RAI14: variants seen among roughly 807,000 people sequenced by gnomAD.
RAI14 encodes the protein retinoic acid induced 14, also known as ankycorbin.
In RAI14, 45 loss-of-function variants were observed where a neutral mutation model predicts 115.4. The observed-to-expected ratio is 0.39, with a 90% CI of 0.31 to 0.50. The LOEUF (loss-of-function observed/expected upper bound fraction) is 0.50. Ranked by LOEUF, RAI14 falls within the 20% of genes least tolerant of loss-of-function variation. RAI14 has a pLI of 0.85. For missense variants in RAI14, 939 were observed against 1,131.2 expected (o/e 0.83, Z 2.44); for synonymous variants, 371 against 415.4 (o/e 0.89, Z 1.30).
chr5:34,754,427 C>T (rs540044545), intron 2 of RAI14, among the ~76,000 whole-genome samples: 2 of 152,166 alleles, frequency 1.3e-5, no homozygotes, highest in East Asian at 3.9e-4. Flanking sequence ...TTAGAGATGG[C>T]GTCTCACTGT....
chr5:34,660,336 G>A (rs1315559234), intron 1 of RAI14, among the ~76,000 whole-genome samples: 1 of 152,166 alleles, frequency 6.6e-6, no homozygotes. Flanking sequence ...GGAGGCTAAG[G>A]CAGATGAATC....
intron 3 of RAI14, among the ~76,000 whole-genome samples, chr5:34,790,178 G>T (rs1462566322): frequency 6.6e-6 from 1 of 152,224 alleles, no homozygotes; most frequent in African/African-American, 2.4e-5. Context: ...GGCATAGGGT[G>T]GGGGAATGAG....
intron 3 of RAI14, 70 bp downstream of exon 3, chr5:34,757,668 A>G: frequency 1.3e-6 from 2 of 1,512,110 alleles, no homozygotes; most frequent in Non-Finnish European, 1.8e-6. Flanking sequence ...AATCCTTAGT[A>G]TCCATAGGGG....
intron 5 of RAI14, among the ~76,000 whole-genome samples, chr5:34,805,142 ATTC>A (rs1754708650): frequency 2.0e-5 from 3 of 152,164 alleles, no homozygotes; most frequent in Admixed American, 6.5e-5. Flanking sequence ...CTTAATCTCC[ATTC>A]TTCTTACCAC....
chr5:34,758,341 T>G (rs1386523046), intron 3 of RAI14, among the ~76,000 whole-genome samples: 2 of 152,172 alleles, frequency 1.3e-5, no homozygotes, highest in Non-Finnish European at 2.9e-5. Context: ...AGGATTTAAG[T>G]GCAAGTAGTT....
At chr5:34,715,618 C>T (rs887888269) in intron 2 of RAI14, among the ~76,000 whole-genome samples, 6 of 152,170 alleles carry the variant, frequency 3.9e-5, no homozygotes, top group Non-Finnish European at 8.8e-5. Context: ...CCTGACACCT[C>T]CCACCCCTCG....
intron 2 of RAI14, among the ~76,000 whole-genome samples, chr5:34,742,702 C>T (rs942148898): frequency 5.3e-5 from 8 of 152,026 alleles, no homozygotes; most frequent in African/African-American, 7.2e-5. Flanking sequence ...CTCACTCTGT[C>T]GCCCAGGTTG....
At chr5:34,767,062 C>T (rs1010461144) in intron 3 of RAI14, among the ~76,000 whole-genome samples, 3 of 152,200 alleles carry the variant, frequency 2.0e-5, no homozygotes, top group African/African-American at 7.2e-5. Flanking sequence ...CCATGTGGAA[C>T]TGTAAGTCCA....
At chr5:34,750,811 TA>T (rs1386194479) in intron 2 of RAI14, among the ~76,000 whole-genome samples, 1 of 151,656 alleles carries the variant, frequency 6.6e-6, no homozygotes, top group Non-Finnish European at 1.5e-5. Flanking sequence ...TCATGACCCT[TA>T]CTTTTATACT....
In RAI14 at chr5:34,827,340, A is replaced by G. The variant is rs1461728627; in HGVS notation, c.2799+861A>G. Among the ~76,000 whole-genome samples, 1 of 152,142 alleles carries G rather than the reference A, an allele frequency of 6.6e-6. No homozygotes were observed. The highest frequency in any genetic ancestry group is 2.4e-5 in the African/African-American group (1 of 41,430). On this transcript the variant is annotated intron_variant, in intron 16 of 17. Transcript: ENST00000265109. This position sits in a 1 kb window ranked among gnomAD's most constrained non-coding sequence, Gnocchi z 4.2. Reference sequence around the variant, plus strand: ...TCATCTGCAAGATGCCTTTTGCCATATAAAGTTTAACATTCACAGGTTCTG... The same window carrying G: ...TCATCTGCAAGATGCCTTTTGCCATGTAAAGTTTAACATTCACAGGTTCTG...
At chr5:34,808,845 A>G (rs1016654632) in intron 7 of RAI14, among the ~76,000 whole-genome samples, 191 bp downstream of exon 7, 2 of 152,202 alleles carry the variant, frequency 1.3e-5, no homozygotes, top group African/African-American at 2.4e-5. Context: ...ACTGCAGCTC[A>G]GGTCATCAGG....
At chr5:34,716,083 A>G (rs531896526) in intron 2 of RAI14, 24 of 449,270 alleles carry the variant, frequency 5.3e-5, no homozygotes, top group Non-Finnish European at 9.8e-5. Context: ...GAACTCTAAC[A>G]TTGGAAATGC....
intron 3 of RAI14, among the ~76,000 whole-genome samples, chr5:34,765,911 G>A (rs1749284283): frequency 6.6e-6 from 1 of 152,254 alleles, no homozygotes; most frequent in Admixed American, 6.5e-5. Context: ...TTGGTGCCCT[G>A]TGTCCCAGCT....
intron 2 of RAI14, among the ~76,000 whole-genome samples, chr5:34,688,483 G>A (rs1388653231): frequency 6.6e-6 from 1 of 152,174 alleles, no homozygotes; most frequent in Non-Finnish European, 1.5e-5. Context: ...ACTGGTGGCA[G>A]TAGGGAGGGT....
chr5:34,811,184 A>G (rs1580338124), intron 8 of RAI14, 66 bp downstream of exon 8: 2 of 1,523,758 alleles, frequency 1.3e-6, no homozygotes, highest in East Asian at 4.5e-5. Context: ...GTATTTCAAA[A>G]TATCACAGCT....
intron 1 of RAI14, among the ~76,000 whole-genome samples, chr5:34,672,833 C>T (rs1217675063): frequency 6.6e-6 from 1 of 151,960 alleles, no homozygotes; most frequent in Non-Finnish European, 1.5e-5. Context: ...AGCACCCCTT[C>T]TCACCCCATA....
chr5:34,807,689 T>G, intron 5 of RAI14, 111 bp from the exon 6 acceptor site: 1 of 853,182 alleles, frequency 1.2e-6, no homozygotes, highest in South Asian at 1.4e-5. Context: ...GGCTTATTTA[T>G]GTTAATAGTC....
intron 3 of RAI14, among the ~76,000 whole-genome samples, chr5:34,778,302 G>A (rs1449950184): frequency 6.6e-6 from 1 of 152,220 alleles, no homozygotes; most frequent in Non-Finnish European, 1.5e-5. Context: ...AGTGGTGCCT[G>A]AGAGTCTGCA....
intron 2 of RAI14, among the ~76,000 whole-genome samples, chr5:34,735,071 G>A (rs570651685): frequency 2.0e-5 from 3 of 152,288 alleles, no homozygotes; most frequent in East Asian, 1.9e-4. Context: ...GTTTAATATC[G>A]TTTAGCTTTA....
Sources: allele counts gnomAD v4.1 joint callset (sites outside exome capture counted in the v4.1 genomes callset), GRCh38; gene constraint gnomAD v4.1.1; non-coding constraint Gnocchi (gnomAD v3.1); transcripts MANE v1.5; gene names NCBI Gene and HGNC (gene_info 2026-07-23, HGNC 2026-07-21).